Variants in ARHGEF28 observed in about 807,000 individuals in gnomAD.
ARHGEF28 encodes the protein Rho guanine nucleotide exchange factor 28.
Under a neutral mutation model 206.6 loss-of-function variants are expected in ARHGEF28, and 152 were observed. The ratio of observed to expected loss-of-function variants is 0.74; its 90% CI spans 0.64 to 0.84. The LOEUF is 0.84. ARHGEF28 is among the 40% of genes least tolerant of loss of function. ARHGEF28 has a pLI of 0.00. For missense variants in ARHGEF28, 2,028 were observed against 2,073.2 expected (o/e 0.98, Z 0.42); for synonymous variants, 763 against 776.4 (o/e 0.98, Z 0.29).
At chr5:73,707,451 A>G (rs1251570761) in intron 2 of ARHGEF28, among the ~76,000 whole-genome samples, 2 of 152,326 alleles carry the variant, frequency 1.3e-5, no homozygotes, top group African/African-American at 4.8e-5. Flanking sequence ...TCAGTCTCAC[A>G]TAGGAGAAAG....
At chr5:73,749,233 G>A (rs1751900528) in intron 2 of ARHGEF28, among the ~76,000 whole-genome samples, 1 of 152,240 alleles carries the variant, frequency 6.6e-6, no homozygotes, top group Non-Finnish European at 1.5e-5. Flanking sequence ...AAATATTTAA[G>A]ATTCTTACAG....
At chr5:73,856,890 A>G (rs948317274) in intron 14 of ARHGEF28, among the ~76,000 whole-genome samples, 1 of 152,230 alleles carries the variant, frequency 6.6e-6, no homozygotes, top group Non-Finnish European at 1.5e-5. Context: ...TTCCTCAGTA[A>G]TAATAGAAAT....
At chr5:73,915,249 T>C (rs549889678) in intron 35 of ARHGEF28, among the ~76,000 whole-genome samples, 105 of 152,294 alleles carry the variant, frequency 6.9e-4, no homozygotes, top group Non-Finnish European at 1.9e-4. Flanking sequence ...GGCCTGAACA[T>C]TTTCAGTATC....
chr5:73,798,804 C>G (rs1031768072), intron 9 of ARHGEF28, among the ~76,000 whole-genome samples: 5 of 152,152 alleles, frequency 3.3e-5, no homozygotes, highest in Non-Finnish European at 7.4e-5. Flanking sequence ...GAAATAGGAT[C>G]TGGCCAGGCG....
intron 2 of ARHGEF28, among the ~76,000 whole-genome samples, chr5:73,741,481 A>G (rs1485056063): frequency 1.4e-5 from 2 of 143,632 alleles, no homozygotes; most frequent in African/African-American, 5.2e-5. Context: ...GTGCAATGAC[A>G]TGATCTTGGC....
At chr5:73,667,486 C>T (rs1746029499) in intron 1 of ARHGEF28, among the ~76,000 whole-genome samples, 1 of 152,194 alleles carries the variant, frequency 6.6e-6, no homozygotes, top group Non-Finnish European at 1.5e-5. Flanking sequence ...GGACTTGGCA[C>T]TCTGGACCTG....
chr5:73,750,105 T>C lies in ARHGEF28; in HGVS notation c.181+121T>C, dbSNP rs1443066120. ...AAACAGTGCTGCAAGGTCAGGAGTG[T>C]GTGCGTGCCTGTGTGTGTATGTGTA... On this transcript the variant is annotated intron_variant, in intron 3 of 35. Transcript: ENST00000513042. 1.3e-5 allele frequency: 14 copies of C among 1,117,254 alleles called. No individual in the cohort carries two copies. The East Asian group carries it at 3.3e-4, about 27-fold the overall frequency. 69.2% of individuals were successfully genotyped at this position (1,117,254 alleles called of 1,614,324 possible). A position where few individuals can be genotyped will look rare whatever the true frequency, so the allele number is the denominator to read the frequency against.
chr5:73,658,151 A>AC (rs899557656), intron 1 of ARHGEF28, among the ~76,000 whole-genome samples: 4 of 151,646 alleles, frequency 2.6e-5, no homozygotes, highest in Non-Finnish European at 5.9e-5. Flanking sequence ...AAAAAAAAAA[A>AC]AACTCAATTA....
At chr5:73,803,616 T>C in intron 9 of ARHGEF28, 1 of 158,332 alleles carries the variant, frequency 6.3e-6, no homozygotes. Flanking sequence ...TCTATGTGCC[T>C]GAGCCACCAC....
intron 35 of ARHGEF28, among the ~76,000 whole-genome samples, chr5:73,938,405 A>C (rs1561211462): frequency 6.6e-6 from 1 of 152,154 alleles, no homozygotes; most frequent in Non-Finnish European, 1.5e-5. Flanking sequence ...CACACCCCAG[A>C]TGAAGAAAAC....
At chr5:73,777,265 G>C (rs576044361) in intron 6 of ARHGEF28, among the ~76,000 whole-genome samples, 1 of 151,292 alleles carries the variant, frequency 6.6e-6, no homozygotes, top group African/African-American at 2.4e-5. Flanking sequence ...TTTTTTGGTA[G>C]ACTTTGAAAG....
chr5:73,764,060 C>G (rs187893536), intron 4 of ARHGEF28, among the ~76,000 whole-genome samples: 6 of 152,286 alleles, frequency 3.9e-5, no homozygotes, highest in Admixed American at 3.9e-4. Flanking sequence ...TTTTATAGTT[C>G]TTGACAGCCC....
At chr5:73,673,871 C>G (rs542090679) in intron 1 of ARHGEF28, among the ~76,000 whole-genome samples, 1 of 151,972 alleles carries the variant, frequency 6.6e-6, no homozygotes, top group Non-Finnish European at 1.5e-5. Context: ...AACCTAAAGT[C>G]ATGCAATTAA....
chr5:73,647,678 T>C (rs1187925706), intron 1 of ARHGEF28, among the ~76,000 whole-genome samples: 3 of 152,252 alleles, frequency 2.0e-5, no homozygotes, highest in Non-Finnish European at 4.4e-5. Flanking sequence ...GTGGCTACCA[T>C]ATTGGACAGA....
chr5:73,755,142 C>T (rs974494584), intron 4 of ARHGEF28, among the ~76,000 whole-genome samples: 3 of 151,300 alleles, frequency 2.0e-5, no homozygotes, highest in Non-Finnish European at 4.4e-5. Flanking sequence ...TGATAGATGA[C>T]ATGTATGATC....
intron 23 of ARHGEF28, among the ~76,000 whole-genome samples, chr5:73,883,017 AT>A (rs1196004373): frequency 6.6e-6 from 1 of 152,204 alleles, no homozygotes; most frequent in African/African-American, 2.4e-5. Context: ...TATTATACAA[AT>A]AAAGTAACAA....
intron 18 of ARHGEF28, among the ~76,000 whole-genome samples, chr5:73,866,751 G>A (rs1229896107): frequency 2.0e-5 from 3 of 152,154 alleles, no homozygotes; most frequent in Non-Finnish European, 2.9e-5. Flanking sequence ...AACCAATCAC[G>A]CCAATGTCTC....
intron 4 of ARHGEF28, among the ~76,000 whole-genome samples, chr5:73,765,985 T>G (rs528128416): frequency 1.2e-4 from 18 of 152,046 alleles, no homozygotes; most frequent in South Asian, 6.2e-4. Flanking sequence ...ACCCCGTCTC[T>G]ACTAAAAATA....
intron 33 of ARHGEF28, 119 bp from the exon 34 acceptor site, chr5:73,909,293 A>G (rs1195203711): frequency 1.4e-6 from 2 of 1,419,136 alleles, no homozygotes; most frequent in African/African-American, 2.9e-5. Flanking sequence ...AAGGCCAGAA[A>G]TATTAAGAGA....
Sources: allele counts gnomAD v4.1 joint callset (sites outside exome capture counted in the v4.1 genomes callset), GRCh38; gene constraint gnomAD v4.1.1; transcripts MANE v1.5; gene names NCBI Gene and HGNC (gene_info 2026-07-23, HGNC 2026-07-21).